The following LNPEP variants were observed in gnomAD, a reference collection of about 807,000 sequenced individuals.
The protein encoded by LNPEP is leucyl-cystinyl aminopeptidase.
A neutral mutation model predicts 120.6 loss-of-function variants in LNPEP; 64 were observed. The ratio of observed to expected loss-of-function variants is 0.53; its 90% CI spans 0.43 to 0.65. LNPEP has a LOEUF of 0.65. Ranked by LOEUF, LNPEP falls within the 30% of genes least tolerant of loss-of-function variation. The probability of loss-of-function intolerance (pLI) is 0.00; values close to 1 mark genes in which losing one functional copy is unlikely to be tolerated. For missense variants in LNPEP, 1,057 were observed against 1,200.0 expected (o/e 0.88, Z 1.76); for synonymous variants, 435 against 425.4 (o/e 1.02, Z -0.28).
chr5:96,973,894 G>A (rs1056422702), intron 1 of LNPEP, among the ~76,000 whole-genome samples: 1 of 152,012 alleles, frequency 6.6e-6, no homozygotes, highest in Non-Finnish European at 1.5e-5. Flanking sequence ...CTTCTAAATT[G>A]TATCCCTCAA....
At chr5:96,970,231 TTGTTGTCTA>T (rs758898584) in intron 1 of LNPEP, among the ~76,000 whole-genome samples, 18 of 152,104 alleles carry the variant, frequency 1.2e-4, no homozygotes, top group Non-Finnish European at 2.4e-4. Flanking sequence ...CCTTACTTAT[TTGTTGTCTA>T]CTTGTTCTAT....
chr5:96,957,293 CTGT>C (rs1789492631), intron 1 of LNPEP, among the ~76,000 whole-genome samples: 1 of 152,212 alleles, frequency 6.6e-6, no homozygotes. Context: ...GACCTTAGTT[CTGT>C]TTCACCATCT....
At chr5:97,002,018 A>T (rs546406381) in intron 8 of LNPEP, among the ~76,000 whole-genome samples, 3 of 152,134 alleles carry the variant, frequency 2.0e-5, no homozygotes, top group Non-Finnish European at 4.4e-5. Context: ...TGGTGCCTGT[A>T]ATCCCAGCTA....
chr5:97,024,622 C>T lies in LNPEP; in HGVS notation c.2663C>T (p.Ala888Val). 6.2e-7 allele frequency: 1 copy of T among 1,613,984 alleles called. No individual in the cohort carries two copies. Among genetic ancestry groups the T allele is most frequent in the Middle Eastern group, 1.7e-4 (1 of 6,060 alleles). Residue 888 changes from alanine to valine, a missense_variant, in exon 15 of 18, where the codon GCA becomes GTA. Coordinates refer to ENST00000231368, the MANE Select transcript of LNPEP (RefSeq NM_005575.3). ...LGKYISIGSE[A>V]EKNKILEALA... is the part of the protein sequence containing the mutation. ...AAATACATTTCTATAGGCTCTGAAG[C>T]AGAGAAGAACAAAATACTAGAAGCA...
chr5:97,017,731 A>G (rs1157916036), intron 13 of LNPEP, among the ~76,000 whole-genome samples: 1 of 152,126 alleles, frequency 6.6e-6, no homozygotes, highest in African/African-American at 2.4e-5. Context: ...GTAGTATATT[A>G]ATTTTCTAGG....
intron 15 of LNPEP, among the ~76,000 whole-genome samples, chr5:97,026,340 A>G (rs1791338823): frequency 6.6e-6 from 1 of 152,174 alleles, no homozygotes; most frequent in South Asian, 2.1e-4. Flanking sequence ...ATTGTAATAA[A>G]TTCTACCAGA....
At chr5:96,985,287 T>G in intron 3 of LNPEP, 69 bp downstream of exon 3, 1 of 1,318,214 alleles carries the variant, frequency 7.6e-7, no homozygotes, top group Non-Finnish European at 1.0e-6. Flanking sequence ...CTTAAATTCC[T>G]CTTTGCCAGA....
At chr5:96,974,210 A>C (rs917843206) in intron 1 of LNPEP, among the ~76,000 whole-genome samples, 11 of 152,010 alleles carry the variant, frequency 7.2e-5, no homozygotes, top group African/African-American at 2.4e-4. Context: ...CTCCTATGGC[A>C]CCTGTCCCTC....
chr5:96,982,567 A>G (rs143831381), intron 2 of LNPEP, among the ~76,000 whole-genome samples: 9 of 152,294 alleles, frequency 5.9e-5, no homozygotes, highest in Non-Finnish European at 2.9e-5. Flanking sequence ...TCTCTCTTGT[A>G]TGAATAGTAG....
intron 1 of LNPEP, among the ~76,000 whole-genome samples, chr5:96,949,706 A>C (rs1000485792): frequency 6.6e-6 from 1 of 152,194 alleles, no homozygotes; most frequent in African/African-American, 2.4e-5. Flanking sequence ...CAGCCGAAAA[A>C]CATTAATTAC....
chr5:96,980,118 T>C (rs1790090871), intron 2 of LNPEP, 140 bp downstream of exon 2: 10 of 762,326 alleles, frequency 1.3e-5, no homozygotes, highest in Non-Finnish European at 2.0e-5. Flanking sequence ...AGAATGGTGA[T>C]TTAGAACAAT....
chr5:96,989,082 T>C (rs1314923885), intron 4 of LNPEP, among the ~76,000 whole-genome samples: 1 of 151,584 alleles, frequency 6.6e-6, no homozygotes, highest in Non-Finnish European at 1.5e-5. Context: ...GACTATGTTT[T>C]CTTTTTTGCT....
At chr5:96,953,153 T>TA (rs11417874) in intron 1 of LNPEP, among the ~76,000 whole-genome samples, 68,885 of 152,074 alleles carry the variant, frequency 0.45, 15,708 homozygotes, top group Non-Finnish European at 0.49. Context: ...ATGGTTAATC[T>TA]ATTGGCTTGC....
chr5:96,957,128 C>T (rs1789488456), intron 1 of LNPEP, among the ~76,000 whole-genome samples: 1 of 152,072 alleles, frequency 6.6e-6, no homozygotes. Flanking sequence ...TTGCGTTTTC[C>T]ATTGAGGATT....
In LNPEP at chr5:97,022,343, C is replaced by T. The variant is rs779451467; in HGVS notation, c.2420C>T (p.Thr807Ile). The T allele has an allele frequency of 1.3e-5, 21 of 1,613,008 alleles. No individual in the cohort carries two copies. In the South Asian group the frequency reaches 2.2e-4, roughly 17 times the overall value. ...CTTCAAAACCAAATTCAACAACAAACTTGGACTGATGAGGGCACTCCATCT... is the reference window on the plus strand; with the variant it reads ...CTTCAAAACCAAATTCAACAACAAATTTGGACTGATGAGGGCACTCCATCT... ...KLLQNQIQQQ[T>I]WTDEGTPSMR... Residue 807 changes from threonine to isoleucine, a missense_variant, in exon 14 of 18, where the codon ACT (threonine) becomes ATT (isoleucine). Thr to Ile is a moderately conservative substitution (Grantham distance 89). Coordinates refer to ENST00000231368, the MANE Select transcript of LNPEP (RefSeq NM_005575.3).
intron 1 of LNPEP, chr5:96,943,128 A>G: frequency 2.2e-6 from 1 of 446,580 alleles, no homozygotes; most frequent in Non-Finnish European, 3.5e-6. Context: ...ATTGTTAAGC[A>G]GATTACTTCC....
intron 1 of LNPEP, among the ~76,000 whole-genome samples, chr5:96,967,752 A>C (rs549961140): frequency 6.6e-6 from 1 of 152,110 alleles, no homozygotes; most frequent in Admixed American, 6.6e-5. Flanking sequence ...ATGCATGGAC[A>C]TGGAGGTAAT....
At position 97,006,072 on chromosome 5, in the gene LNPEP, G is replaced by C; in HGVS notation, c.1786-1G>C. On this transcript the variant is annotated splice_acceptor_variant, in intron 9 of 17. Transcript: ENST00000231368. LOFTEE classifies it high-confidence loss of function. ...TATATATATATATATATATTTTGTA[G>C]GTCACAAACCAAACACTAGATGTAA... is the stretch of plus-strand genomic sequence containing the variant. The C allele has an allele frequency of 7.7e-7, 1 of 1,297,526 alleles. No homozygotes were observed. The highest frequency in any genetic ancestry group is 1.0e-6 in the Non-Finnish European group (1 of 975,422). The allele number at this position is 1,297,526 out of a possible 1,614,324, so 80.4% of individuals were successfully genotyped here.
intron 12 of LNPEP, among the ~76,000 whole-genome samples, chr5:97,014,490 T>C (rs1791014231): frequency 6.6e-6 from 1 of 152,126 alleles, no homozygotes; most frequent in Non-Finnish European, 1.5e-5. Context: ...GTACTCACTG[T>C]AAATTCACAA....
Sources: gnomAD v4.1 joint callset for allele counts (sites outside exome capture counted in the v4.1 genomes callset) on GRCh38, gnomAD v4.1.1 for gene constraint, MANE v1.5 for transcripts, NCBI Gene and HGNC (gene_info 2026-07-23, HGNC 2026-07-21) for gene names.